Variants in STX11 observed in about 807,000 individuals in gnomAD.
STX11 encodes the protein syntaxin-11.
A neutral mutation model predicts 19.9 loss-of-function variants in STX11; 21 were observed. The observed-to-expected ratio is 1.06, with a 90% CI of 0.75 to 1.52. STX11 has a LOEUF of 1.52. Among genes scored for constraint, STX11 ranks in the 40% most tolerant of loss-of-function variants. STX11 has a pLI of 0.00. For synonymous variants in STX11, 193 were observed against 174.4 expected, an observed-to-expected ratio of 1.11 and a Z score of -0.84; for missense variants, 438 against 405.9, an observed-to-expected ratio of 1.08 and a Z score of -0.68.
chr6:144,154,046 GT>G lies in STX11; in HGVS notation c.-6+3344del, dbSNP rs1801072822. On this transcript the variant is annotated intron_variant, in intron 1 of 1. Coordinates refer to ENST00000367568, the MANE Select transcript of STX11 (RefSeq NM_003764.4). This position sits in a 1 kb window ranked among gnomAD's most constrained non-coding sequence, Gnocchi z 4.7. The stretch of plus-strand genomic sequence containing the variant: ...ACTATGTGCGTTAAGCCTTTTACTC[GT>G]CAGTACAATCCTGTGAGATAGGTAC... 6.6e-6 allele frequency among the ~76,000 whole-genome samples: 1 copy of G among 152,266 alleles called. No homozygotes were observed. The highest frequency in any genetic ancestry group is 1.9e-4 in the East Asian group (1 of 5,188).
Position 144,190,310 on chromosome 6 carries a change from A to C in STX11, c.*2819A>C, listed in dbSNP as rs985134389. On this transcript the variant is annotated 3_prime_UTR_variant, in exon 2 of 2. Coordinates refer to ENST00000367568, the MANE Select transcript of STX11 (RefSeq NM_003764.4). ...TTCAGTTTCCTCATCTGTAAAACGG[A>C]GATAACAGTACTTACCTCATAGAGC... Among the ~76,000 whole-genome samples the C allele has an allele frequency of 2.6e-5, 4 of 152,212 alleles. No individual in the cohort carries two copies. Among genetic ancestry groups the C allele is most frequent in the Non-Finnish European group, 5.9e-5 (4 of 68,042 alleles).
rs1211233450 is a variant in STX11, at chr6:144,175,295, A to C, written c.-5-11328A>C. On this transcript the variant is annotated intron_variant, in intron 1 of 1. Transcript: ENST00000367568. This position sits in a 1 kb window ranked among gnomAD's most constrained non-coding sequence, Gnocchi z 5.1. ...AAAATTAGTAGTTATCATTTGTTGA[A>C]GTCTCAATATATGCTACTCTCATGA... Among the ~76,000 whole-genome samples, 4 of 152,322 alleles carry C rather than the reference A, an allele frequency of 2.6e-5. No homozygotes were observed. In the East Asian group the frequency reaches 5.8e-4, roughly 22 times the overall value.
At position 144,153,888 on chromosome 6, in the gene STX11, G is replaced by A. The variant is rs572680857; in HGVS notation, c.-6+3185G>A. ...TCCTACTCGGTGGAAGAATAGGTTTGGGCTAAAGGGTGGTGAGGAGCTCAC... is the reference window on the plus strand; with the variant it reads ...TCCTACTCGGTGGAAGAATAGGTTTAGGCTAAAGGGTGGTGAGGAGCTCAC... On this transcript the variant is annotated intron_variant, in intron 1 of 1. Coordinates refer to ENST00000367568, the MANE Select transcript of STX11 (RefSeq NM_003764.4). The surrounding 1 kb of genome is among the most constrained non-coding windows in gnomAD (Gnocchi z 5.0). 6.6e-6 allele frequency among the ~76,000 whole-genome samples: 1 copy of A among 152,292 alleles called. No homozygotes were observed. Among genetic ancestry groups the A allele is most frequent in the African/African-American group, 2.4e-5 (1 of 41,556 alleles).
chr6:144,163,661 T>A (rs537833824), intron 1 of STX11, among the ~76,000 whole-genome samples: 1 of 152,032 alleles, frequency 6.6e-6, no homozygotes. Context: ...GTATTTTTTT[T>A]CTTAGTAGAG....
At position 144,177,883 on chromosome 6, in the gene STX11, T is replaced by A. The variant is rs947793153; in HGVS notation, c.-5-8740T>A. On this transcript the variant is annotated intron_variant, in intron 1 of 1. Transcript: ENST00000367568. This position sits in a 1 kb window ranked among gnomAD's most constrained non-coding sequence, Gnocchi z 4.4. ...AGTTAATAATTTTATGGATTTTTTT[T>A]AAAGTTGTGGTGACTTACTCCCTGT... Among the ~76,000 whole-genome samples, 1 of 152,230 alleles carries A rather than the reference T, an allele frequency of 6.6e-6. No individual in the cohort carries two copies. Among genetic ancestry groups the A allele is most frequent in the Non-Finnish European group, 1.5e-5 (1 of 68,044 alleles).
chr6:144,160,910 C>T lies in STX11; in HGVS notation c.-6+10207C>T, dbSNP rs1801318390. Among the ~76,000 whole-genome samples, 1 of 152,156 alleles carries T rather than the reference C, an allele frequency of 6.6e-6. No individual in the cohort carries two copies. Among genetic ancestry groups the T allele is most frequent in the Non-Finnish European group, 1.5e-5 (1 of 68,032 alleles). The stretch of plus-strand genomic sequence containing the variant: ...CATGTATTTTCATATCTTTCCTCAC[C>T]CCCTTTGGCATATTCCTTGGTTTAT... On this transcript the variant is annotated intron_variant, in intron 1 of 1. Transcript: ENST00000367568. This position sits in a 1 kb window ranked among gnomAD's most constrained non-coding sequence, Gnocchi z 4.3.
chr6:144,151,505 G>A lies in STX11; in HGVS notation c.-6+802G>A. The A allele has an allele frequency of 1.1e-6, 1 of 903,560 alleles. No homozygotes were observed. The allele number at this position is 903,560 out of a possible 1,614,324, so 56.0% of individuals were successfully genotyped here. A position where few individuals can be genotyped will look rare whatever the true frequency, so the allele number is the denominator to read the frequency against. Reference sequence around the variant, plus strand: ...TGCTTTAAAATGAGACTCTAGATGTGAAATGCCTGCCCTGCCAACCTGGGG... The same window carrying A: ...TGCTTTAAAATGAGACTCTAGATGTAAAATGCCTGCCCTGCCAACCTGGGG... On this transcript the variant is annotated intron_variant, in intron 1 of 1. Transcript: ENST00000367568. The surrounding 1 kb of genome is among the most constrained non-coding windows in gnomAD (Gnocchi z 4.6).
rs1801729896 is a variant in STX11, at chr6:144,174,567, CCT to C, written c.-5-12055_-5-12054del. ...GTGTTTTTGTAGAGCTGGATTTTGC[CCT>C]GTTACCCAGGCTGGTCTTGAACTCC... is the stretch of plus-strand genomic sequence containing the variant. On this transcript the variant is annotated intron_variant, in intron 1 of 1. Coordinates refer to ENST00000367568, the MANE Select transcript of STX11 (RefSeq NM_003764.4). This position sits in a 1 kb window ranked among gnomAD's most constrained non-coding sequence, Gnocchi z 5.3. Among the ~76,000 whole-genome samples the C allele has an allele frequency of 6.6e-6, 1 of 151,908 alleles. No homozygotes were observed. Among genetic ancestry groups the C allele is most frequent in the South Asian group, 2.1e-4 (1 of 4,808 alleles).
rs1800975209 is a variant in STX11 at position 144,150,583 on chromosome 6, G to C, written c.-126G>C. 2.0e-6 allele frequency: 2 copies of C among 985,446 alleles called. No individual in the cohort carries two copies. The highest frequency in any genetic ancestry group is 9.4e-5 in the South Asian group (2 of 21,290). 61.0% of individuals were successfully genotyped at this position (985,446 alleles called of 1,614,324 possible). ...GAACTCAGCCTCGGCCGCAGGAGGC[G>C]CCGGGAGCGGAGCCGCCGGGAGTCG... On this transcript the variant is annotated 5_prime_UTR_variant, in exon 1 of 2. Coordinates refer to ENST00000367568, the MANE Select transcript of STX11 (RefSeq NM_003764.4).
chr6:144,150,865 C>G (rs1386364780), intron 1 of STX11, among the ~76,000 whole-genome samples, 162 bp downstream of exon 1: 2 of 152,180 alleles, frequency 1.3e-5, no homozygotes, highest in African/African-American at 4.8e-5. Flanking sequence ...CCTCACGCCG[C>G]CTCTGGGCAC....
At position 144,160,652 on chromosome 6, in the gene STX11, G is replaced by A. The variant is rs1414296900; in HGVS notation, c.-6+9949G>A. On this transcript the variant is annotated intron_variant, in intron 1 of 1. Coordinates refer to ENST00000367568, the MANE Select transcript of STX11 (RefSeq NM_003764.4). The surrounding 1 kb of genome is among the most constrained non-coding windows in gnomAD (Gnocchi z 4.3). ...CAAACATTTGGCTGATTGCAGGGAG[G>A]GAGGGATTAATTCACCATAAAGCAG... 6.6e-6 allele frequency among the ~76,000 whole-genome samples: 1 copy of A among 152,066 alleles called. No homozygotes were observed. Among genetic ancestry groups the A allele is most frequent in the Non-Finnish European group, 1.5e-5 (1 of 68,018 alleles).
chr6:144,143,802 TTC>T, the STX11 span, among the ~76,000 whole-genome samples: 1 of 152,190 alleles, frequency 6.6e-6, no homozygotes, highest in Non-Finnish European at 1.5e-5. Context: ...AGAATTTATT[TTC>T]TCTCATTATT....
intron 1 of STX11, among the ~76,000 whole-genome samples, chr6:144,156,106 A>C (rs12664659): frequency 0.096 from 10,762 of 111,950 alleles, 1,616 homozygotes; most frequent in African/African-American, 0.33. Flanking sequence ...CTTTTATTGC[A>C]CAGGCGGGAG....
Position 144,176,928 on chromosome 6 carries a change from A to G in STX11, c.-5-9695A>G, listed in dbSNP as rs377632200. ...CCCTCATGCATTGATGATGTTGGAT[A>G]ACTCAGATATTTCCGTACCTTGTGT... On this transcript the variant is annotated intron_variant, in intron 1 of 1. Coordinates refer to ENST00000367568, the MANE Select transcript of STX11 (RefSeq NM_003764.4). The surrounding 1 kb of genome is among the most constrained non-coding windows in gnomAD (Gnocchi z 4.1). 5.3e-5 allele frequency among the ~76,000 whole-genome samples: 8 copies of G among 152,334 alleles called. No individual in the cohort carries two copies. The East Asian group carries it at 1.5e-3, about 29-fold the overall frequency.
Position 144,159,993 on chromosome 6 carries a change from C to A in STX11, c.-6+9290C>A, listed in dbSNP as rs561167423. ...CTGGGTCCTTTTTCTCCTTTTCTGG[C>A]CAGTTCTTGTTTTTTAAAAAAATAT... is the stretch of plus-strand genomic sequence containing the variant. On this transcript the variant is annotated intron_variant, in intron 1 of 1. Transcript: ENST00000367568. This position sits in a 1 kb window ranked among gnomAD's most constrained non-coding sequence, Gnocchi z 4.3. 3.9e-5 allele frequency among the ~76,000 whole-genome samples: 6 copies of A among 152,156 alleles called. No individual in the cohort carries two copies. In the East Asian group the frequency reaches 1.2e-3, roughly 29 times the overall value.
chr6:144,165,165 A>AG lies in STX11; in HGVS notation c.-6+14462_-6+14463insG, dbSNP rs1319848776. Among the ~76,000 whole-genome samples, 1 of 151,328 alleles carries AG rather than the reference A, an allele frequency of 6.6e-6. No individual in the cohort carries two copies. Among genetic ancestry groups the AG allele is most frequent in the Non-Finnish European group, 1.5e-5 (1 of 67,866 alleles). ...TGCAATATATTCACTTTGAAGAAAA[A>AG]TTTTCTTGGCCGGGCGCGGTGGCTC... On this transcript the variant is annotated intron_variant, in intron 1 of 1. Coordinates refer to ENST00000367568, the MANE Select transcript of STX11 (RefSeq NM_003764.4). This position sits in a 1 kb window ranked among gnomAD's most constrained non-coding sequence, Gnocchi z 5.8.
chr6:144,171,324 A>C (rs761237464), intron 1 of STX11, among the ~76,000 whole-genome samples: 1 of 152,202 alleles, frequency 6.6e-6, no homozygotes, highest in Non-Finnish European at 1.5e-5. Flanking sequence ...TTAGAAACCT[A>C]GTTCACATCC....
intron 1 of STX11, among the ~76,000 whole-genome samples, chr6:144,168,856 G>C (rs1801552959): frequency 6.6e-6 from 1 of 152,236 alleles, no homozygotes; most frequent in Non-Finnish European, 1.5e-5. Flanking sequence ...CTTGTCACAT[G>C]GGTGAAGTAG....
At position 144,186,943 on chromosome 6, in the gene STX11, G is replaced by T; in HGVS notation, c.316G>T (p.Ala106Ser). Reference protein sequence around the residue: ...RGEVIHCKLRAMKELSEAAEA... With the variant: ...RGEVIHCKLRSMKELSEAAEA... ...CGAGGTCATCCACTGCAAGCTGCGC[G>T]CCATGAAGGAGCTGAGCGAGGCGGC... The change falls in exon 2 of 2, where the codon GCC becomes TCC. Residue 106 changes from alanine (A) to serine (S), a missense_variant. Physicochemically the swap from Ala to Ser is moderately conservative, Grantham distance 99 (BLOSUM62 1). Transcript: ENST00000367568. The T allele has an allele frequency of 6.2e-7, 1 of 1,609,730 alleles. No homozygotes were observed. The highest frequency in any genetic ancestry group is 8.5e-7 in the Non-Finnish European group (1 of 1,179,898).
Sources: allele counts gnomAD v4.1 joint callset (sites outside exome capture counted in the v4.1 genomes callset), GRCh38; gene constraint gnomAD v4.1.1; non-coding constraint Gnocchi (gnomAD v3.1); transcripts MANE v1.5; gene names NCBI Gene and HGNC (gene_info 2026-07-23, HGNC 2026-07-21).